DPP6: variants seen among roughly 807,000 people sequenced by gnomAD.
DPP6 encodes A-type potassium channel modulatory protein DPP6.
DPP6 carries 69 observed loss-of-function variants against 122.6 expected under a neutral mutation model. The observed-to-expected ratio is 0.56, with a 90% confidence interval of 0.46 to 0.69. The LOEUF is 0.69. Among genes scored for constraint, DPP6 ranks in the 30% least tolerant of loss-of-function variants. DPP6 has a pLI of 0.00. For missense variants in DPP6, 928 were observed against 1,116.9 expected (o/e 0.83, Z 2.41); for synonymous variants, 418 against 433.1 (o/e 0.97, Z 0.43).
intron 3 of DPP6, among the ~76,000 whole-genome samples, chr7:154,507,337 GT>G (rs1825740907): frequency 1.3e-5 from 2 of 151,926 alleles, no homozygotes; most frequent in Admixed American, 6.6e-5. Context: ...TGTTACATAG[GT>G]TTACATGTGC....
chr7:154,543,344 C>G (rs1274395275), intron 4 of DPP6, among the ~76,000 whole-genome samples: 1 of 152,166 alleles, frequency 6.6e-6, no homozygotes, highest in Non-Finnish European at 1.5e-5. Context: ...CTTTCCCGAG[C>G]CAATAAAAAC....
chr7:154,030,459 G>T (rs1799169571), intron 1 of DPP6, among the ~76,000 whole-genome samples: 1 of 152,088 alleles, frequency 6.6e-6, no homozygotes, highest in Non-Finnish European at 1.5e-5. Context: ...CCCTCCCAGA[G>T]CCTCCAGACA....
At chr7:154,335,887 G>A (rs1809370663) in intron 1 of DPP6, among the ~76,000 whole-genome samples, 1 of 152,042 alleles carries the variant, frequency 6.6e-6, no homozygotes, top group African/African-American at 2.4e-5. Flanking sequence ...AAGCGGCTAG[G>A]GCGGAGATAG....
intron 17 of DPP6, 75 bp from the exon 18 acceptor site, chr7:154,867,920 G>C: frequency 4.1e-6 from 6 of 1,474,594 alleles, no homozygotes; most frequent in Non-Finnish European, 5.4e-6. Context: ...TTACGCACAT[G>C]AAAAGCCATG....
intron 1 of DPP6, among the ~76,000 whole-genome samples, chr7:154,436,451 T>G (rs892552801): frequency 1.3e-5 from 2 of 151,960 alleles, no homozygotes; most frequent in East Asian, 3.8e-4. Flanking sequence ...ACACATGGAA[T>G]TCCTGCCCAC....
At chr7:154,318,482 AT>A (rs1375993905) in intron 1 of DPP6, among the ~76,000 whole-genome samples, 1 of 152,156 alleles carries the variant, frequency 6.6e-6, no homozygotes, top group East Asian at 1.9e-4. Flanking sequence ...CAGCCCCCAA[AT>A]ACCAAGACCA....
At chr7:154,145,625 A>G (rs1021558751) in intron 1 of DPP6, among the ~76,000 whole-genome samples, 3 of 134,116 alleles carry the variant, frequency 2.2e-5, no homozygotes, top group African/African-American at 8.3e-5. Context: ...GGAGGGTGCC[A>G]GCTACGGAGG....
chr7:154,166,847 G>T (rs1170092998), intron 1 of DPP6, among the ~76,000 whole-genome samples: 1 of 148,738 alleles, frequency 6.7e-6, no homozygotes, highest in Non-Finnish European at 1.5e-5. Flanking sequence ...GGAGGCGGAG[G>T]TTGCAGTGAG....
At chr7:154,246,061 C>T (rs1801964905) in intron 1 of DPP6, among the ~76,000 whole-genome samples, 2 of 152,076 alleles carry the variant, frequency 1.3e-5, no homozygotes, top group South Asian at 4.2e-4. Context: ...CCTTTAACCA[C>T]AAGAAAATTA....
intron 5 of DPP6, among the ~76,000 whole-genome samples, chr7:154,625,655 G>A (rs1304093106): frequency 6.6e-6 from 1 of 152,198 alleles, no homozygotes; most frequent in Non-Finnish European, 1.5e-5. Flanking sequence ...GGGACCAGGG[G>A]GCTGACAGGT....
At chr7:154,512,992 C>T (rs1826206395) in intron 3 of DPP6, among the ~76,000 whole-genome samples, 1 of 152,100 alleles carries the variant, frequency 6.6e-6, no homozygotes, top group African/African-American at 2.4e-5. Context: ...TGTGCCTAAG[C>T]AATGAGAATA....
At chr7:154,341,317 C>T (rs1484217134) in intron 1 of DPP6, among the ~76,000 whole-genome samples, 2 of 152,114 alleles carry the variant, frequency 1.3e-5, no homozygotes, top group Non-Finnish European at 2.9e-5. Context: ...GTCCTTCTGA[C>T]ATCTGCGGTG....
chr7:153,765,573 A>G, the DPP6 span, among the ~76,000 whole-genome samples: 10 of 151,872 alleles, frequency 6.6e-5, no homozygotes, highest in East Asian at 1.9e-3. Context: ...AGAAAAAAAC[A>G]CCTAGGTAGT....
chr7:154,366,519 T>C (rs773568827), intron 1 of DPP6, among the ~76,000 whole-genome samples: 3 of 152,204 alleles, frequency 2.0e-5, no homozygotes, highest in Non-Finnish European at 2.9e-5. Context: ...ATTTAAAAAA[T>C]GCAGGTGCCT....
intron 1 of DPP6, among the ~76,000 whole-genome samples, chr7:154,023,382 A>AAAT (rs1382829855): frequency 6.8e-6 from 1 of 148,114 alleles, no homozygotes; most frequent in Non-Finnish European, 1.5e-5. Context: ...TGCATTCCCC[A>AAAT]AATAATAATA....
intron 21 of DPP6, chr7:154,883,449 T>C (rs1805638458): frequency 8.5e-6 from 1 of 117,290 alleles, no homozygotes. Context: ...TTCACACACA[T>C]GCTCACCCAT....
intron 1 of DPP6, among the ~76,000 whole-genome samples, chr7:154,195,822 G>C (rs1798837945): frequency 1.3e-5 from 2 of 152,124 alleles, no homozygotes; most frequent in Middle Eastern, 3.2e-3. Context: ...GAGTTCTAGA[G>C]GACAGCAGTG....
At chr7:154,162,858 T>A (rs1797050839) in intron 1 of DPP6, among the ~76,000 whole-genome samples, 1 of 151,996 alleles carries the variant, frequency 6.6e-6, no homozygotes, top group South Asian at 2.1e-4. Flanking sequence ...GAGTGGAACT[T>A]GCTAGTGTTG....
At chr7:154,115,668 G>C (rs542691738) in intron 1 of DPP6, among the ~76,000 whole-genome samples, 14 of 152,282 alleles carry the variant, frequency 9.2e-5, no homozygotes, top group African/African-American at 2.9e-4. Context: ...GTCCATTGTA[G>C]TGGGAAGAGC....
Sources: gnomAD v4.1 joint callset for allele counts (sites outside exome capture counted in the v4.1 genomes callset) on GRCh38, gnomAD v4.1.1 for gene constraint, MANE v1.5 for transcripts, NCBI Gene and HGNC (gene_info 2026-07-23, HGNC 2026-07-21) for gene names.